The following NOTCH2 variants were observed in gnomAD, a reference collection of about 807,000 sequenced individuals.
NOTCH2 encodes the protein notch receptor 2.
NOTCH2 carries 29 observed loss-of-function variants against 235.8 expected under a neutral mutation model. That is an observed-to-expected ratio of 0.12 (90% CI 0.09 to 0.17). The LOEUF is 0.17. Ranked by LOEUF, NOTCH2 falls within the 10% of genes least tolerant of loss-of-function variation. The probability of loss-of-function intolerance (pLI) is 1.00; values close to 1 mark genes in which losing one functional copy is unlikely to be tolerated. For missense variants in NOTCH2, 2,285 were observed against 3,150.2 expected (o/e 0.73, Z 6.57); for synonymous variants, 1,086 against 1,141.5 (o/e 0.95, Z 0.98).
At chr1:120,000,566 T>C (rs1553205167) in intron 3 of NOTCH2, among the ~76,000 whole-genome samples, 1 of 144,792 alleles carries the variant, frequency 6.9e-6, no homozygotes, top group Non-Finnish European at 1.5e-5. Context: ...GATCAGAATC[T>C]TGCAGAACAC....
chr1:119,953,595 A>G lies in NOTCH2; in HGVS notation c.2313T>C (p.Thr771=). 6.2e-7 allele frequency: 1 copy of G among 1,614,178 alleles called. No individual in the cohort carries two copies. The highest frequency in any genetic ancestry group is 8.5e-7 in the Non-Finnish European group (1 of 1,180,024). ...TGTATCCATTCACCAGATTGTCACA[A>G]GTTCCTCCATTCTGGCATGGATTCG... The part of the protein sequence containing the change: ...CLSNPCQNGG[T]CDNLVNGYRC... Residue 771 remains threonine (T), a synonymous_variant, in exon 14 of 34, where the codon ACT becomes ACC. Coordinates refer to ENST00000256646, the MANE Select transcript of NOTCH2 (RefSeq NM_024408.4).
chr1:120,045,679 T>A (rs587623015), intron 1 of NOTCH2, among the ~76,000 whole-genome samples: 1,238 of 152,042 alleles, frequency 8.1e-3, no homozygotes, highest in African/African-American at 0.029. Flanking sequence ...TTCACATATA[T>A]CTTCTATCTT....
chr1:119,957,917 G>A (rs2101128535), intron 12 of NOTCH2, among the ~76,000 whole-genome samples: 2 of 149,006 alleles, frequency 1.3e-5, no homozygotes, highest in Non-Finnish European at 3.0e-5. Flanking sequence ...CAGTGTAGTG[G>A]GAATGAGCAT....
chr1:119,978,181 G>A (rs146613954), intron 5 of NOTCH2, among the ~76,000 whole-genome samples: 10 of 151,812 alleles, frequency 6.6e-5, no homozygotes, highest in African/African-American at 2.4e-4. Context: ...AGGGTGGAGT[G>A]CGGAGTATTT....
At chr1:119,968,042 C>T (rs782276481) in intron 7 of NOTCH2, 35 bp downstream of exon 7, 1 of 1,612,858 alleles carries the variant, frequency 6.2e-7, no homozygotes, top group Non-Finnish European at 8.5e-7. Flanking sequence ...GCTCAACAGA[C>T]ACTTCACAGA....
In NOTCH2 at chr1:119,916,140, A is replaced by G. The variant is rs757194466; in HGVS notation, c.6582T>C (p.His2194=). 9.3e-6 allele frequency: 15 copies of G among 1,614,212 alleles called. No individual in the cohort carries two copies. In the East Asian group the frequency reaches 2.5e-4, roughly 26 times the overall value. The change falls in exon 34 of 34, where the codon CAT becomes CAC. Residue 2194 remains histidine, a synonymous_variant. Coordinates refer to ENST00000256646, the MANE Select transcript of NOTCH2 (RefSeq NM_024408.4). ...TAGAAAAAGATAGTGCATGCTGGGC[A>G]TGGACTGGGGCAGGAGGGGCGGCAG... The part of the protein sequence containing the change: ...LATAAPPAPV[H]AQHALSFSNL...
At chr1:119,945,320 C>T (rs1174645001) in intron 17 of NOTCH2, among the ~76,000 whole-genome samples, 1 of 151,770 alleles carries the variant, frequency 6.6e-6, no homozygotes, top group Non-Finnish European at 1.5e-5. Flanking sequence ...AAAATGGAAA[C>T]AATACACAGA....
At chr1:119,960,481 A>ATGT (rs1650894693) in intron 11 of NOTCH2, among the ~76,000 whole-genome samples, 3 of 150,846 alleles carry the variant, frequency 2.0e-5, no homozygotes, top group African/African-American at 7.3e-5. Context: ...TATATTTCAC[A>ATGT]AATATCTCTT....
At chr1:119,951,949 T>G (rs1354501098) in intron 14 of NOTCH2, among the ~76,000 whole-genome samples, 1 of 152,244 alleles carries the variant, frequency 6.6e-6, no homozygotes, top group Non-Finnish European at 1.5e-5. Context: ...TCTTTGCCAA[T>G]GTAATACAAT....
Position 119,916,533 on chromosome 1 carries a change from A to C in NOTCH2, c.6189T>G (p.Asp2063Glu). ...RMHHDIVRLL[D>E]EYNVTPSPPG... ...GAGGGCTTGGGGTCACATTGTATTC[A>C]TCCAGAAGGCGCACAATGTCATGGT... is the stretch of plus-strand genomic sequence containing the variant. The change falls in exon 34 of 34, where the codon GAT (aspartate) becomes GAG (glutamate). Residue 2063 changes from aspartate (D) to glutamate (E), a missense_variant. Asp to Glu is a conservative substitution (Grantham distance 45). Transcript: ENST00000256646. 6.2e-7 allele frequency: 1 copy of C among 1,613,706 alleles called. No individual in the cohort carries two copies. Among genetic ancestry groups the C allele is most frequent in the Non-Finnish European group, 8.5e-7 (1 of 1,179,584 alleles).
Position 119,915,603 on chromosome 1 carries a change from A to G in NOTCH2, c.7119T>C (p.Tyr2373=), listed in dbSNP as rs1557801639. 6 of 1,613,982 alleles carry G rather than the reference A, an allele frequency of 3.7e-6. No individual in the cohort carries two copies. The highest frequency in any genetic ancestry group is 5.1e-6 in the Non-Finnish European group (6 of 1,180,012). Residue 2373 remains tyrosine, a synonymous_variant, in exon 34 of 34, where the codon TAT becomes TAC. Transcript: ENST00000256646. ...TGCCCACAGAGGCTGGGAAAGGATG[A>G]TAGGCTGGGAGAATGGTCTGAGCTA... The part of the protein sequence containing the change: ...GQVAQTILPA[Y]HPFPASVGKY...
rs370351152 is a variant in NOTCH2 at position 119,997,032 on chromosome 1, G to C, written c.716C>G (p.Thr239Ser). The change falls in exon 4 of 34, where the codon ACT becomes AGT. Residue 239 changes from threonine (T) to serine (S), a missense_variant. By Grantham distance (58) the Thr-to-Ser change is moderately conservative. This residue lies in a region of NOTCH2 where 431 missense variants were observed against 757.8 expected (regional missense o/e 0.57). Coordinates refer to ENST00000256646, the MANE Select transcript of NOTCH2 (RefSeq NM_024408.4). ...PCVNGGTCRQTGDFTFECNCL... is the reference protein window; with the variant it reads ...PCVNGGTCRQSGDFTFECNCL... ...GTTGCACTCAAAAGTGAAGTCACCAGTCTGCCGACAGGTGCCTCCATTGAC... is the reference window on the plus strand; with the variant it reads ...GTTGCACTCAAAAGTGAAGTCACCACTCTGCCGACAGGTGCCTCCATTGAC... The C allele has an allele frequency of 1.4e-5, 23 of 1,614,002 alleles. No homozygotes were observed. In the Middle Eastern group the frequency reaches 2.6e-3, roughly 185 times the overall value.
At chr1:119,933,562 CAAT>C (rs1457764380) in intron 22 of NOTCH2, among the ~76,000 whole-genome samples, 3 of 152,052 alleles carry the variant, frequency 2.0e-5, no homozygotes, top group African/African-American at 7.3e-5. Context: ...AAGGGAACCT[CAAT>C]AAGATTAACA....
rs41277618 is a variant in NOTCH2 at position 119,914,629 on chromosome 1, C to G, written c.*677G>C. ...TGCAGGAGAACACAATACAGTATGTCCATTTTCCAAAGAAACAACATACTT... is the reference window on the plus strand; with the variant it reads ...TGCAGGAGAACACAATACAGTATGTGCATTTTCCAAAGAAACAACATACTT... On this transcript the variant is annotated 3_prime_UTR_variant, in exon 34 of 34. Transcript: ENST00000256646. 133 of 239,432 alleles carry G rather than the reference C, an allele frequency of 5.6e-4. No individual in the cohort carries two copies. Among genetic ancestry groups the G allele is most frequent in the Non-Finnish European group, 9.6e-4 (116 of 121,354 alleles). The allele number at this position is 239,432 out of a possible 1,614,324, so 14.8% of individuals were successfully genotyped here. A position where few individuals can be genotyped will look rare whatever the true frequency, so the allele number is the denominator to read the frequency against.
chr1:119,958,070 A>G (rs959067985), intron 12 of NOTCH2, among the ~76,000 whole-genome samples: 13 of 152,150 alleles, frequency 8.5e-5, no homozygotes, highest in African/African-American at 3.1e-4. Flanking sequence ...CCTAGCTCAA[A>G]ATTAGTTCTT....
At chr1:119,931,242 A>G (rs1553195071) in intron 22 of NOTCH2, among the ~76,000 whole-genome samples, 1 of 152,164 alleles carries the variant, frequency 6.6e-6, no homozygotes, top group Non-Finnish European at 1.5e-5. Context: ...CAATTACCAA[A>G]TTACCAAAGA....
intron 17 of NOTCH2, among the ~76,000 whole-genome samples, chr1:119,945,821 T>G (rs1422886326): frequency 6.6e-6 from 1 of 152,076 alleles, no homozygotes; most frequent in Non-Finnish European, 1.5e-5. Flanking sequence ...CCTTATTATA[T>G]TCTATGAATA....
chr1:120,024,788 T>C (rs1468492750), intron 2 of NOTCH2, among the ~76,000 whole-genome samples: 3 of 152,210 alleles, frequency 2.0e-5, no homozygotes, highest in African/African-American at 7.2e-5. Flanking sequence ...GTTAGATATT[T>C]ACCAAGTGGT....
At chr1:120,008,914 G>A (rs1428804104) in intron 2 of NOTCH2, among the ~76,000 whole-genome samples, 8 of 152,048 alleles carry the variant, frequency 5.3e-5, no homozygotes, top group African/African-American at 1.9e-4. Flanking sequence ...ATGGAGTTAA[G>A]TGCTGTGAAA....
Sources: allele counts gnomAD v4.1 joint callset (sites outside exome capture counted in the v4.1 genomes callset), GRCh38; gene constraint gnomAD v4.1.1; regional missense constraint gnomAD v4.1.1; transcripts MANE v1.5; gene names NCBI Gene and HGNC (gene_info 2026-07-23, HGNC 2026-07-21).